Variants in TGFBR3 observed in about 807,000 individuals in gnomAD.
TGFBR3 encodes transforming growth factor beta receptor 3.
A neutral mutation model predicts 87.9 loss-of-function variants in TGFBR3; 46 were observed. That is an observed-to-expected ratio of 0.52 (90% CI 0.41 to 0.67). TGFBR3 has a LOEUF of 0.67. TGFBR3 is among the 30% of genes least tolerant of loss of function. TGFBR3 has a pLI of 0.00. For missense variants in TGFBR3, 866 were observed against 1,041.9 expected (o/e 0.83, Z 2.32); for synonymous variants, 381 against 391.6 (o/e 0.97, Z 0.32).
intron 2 of TGFBR3, among the ~76,000 whole-genome samples, chr1:91,815,884 A>C (rs983213247): frequency 3.9e-5 from 6 of 152,228 alleles, no homozygotes; most frequent in African/African-American, 1.4e-4. Flanking sequence ...AAGAAAGCCA[A>C]CCAAGACAGA....
chr1:91,904,903 T>C (rs941872178), intron 1 of TGFBR3, among the ~76,000 whole-genome samples: 1 of 152,048 alleles, frequency 6.6e-6, no homozygotes, highest in African/African-American at 2.4e-5. Flanking sequence ...AGTTTCACCA[T>C]GGTGGCCAGG....
chr1:91,812,174 C>T (rs891922898), intron 2 of TGFBR3, among the ~76,000 whole-genome samples: 2 of 152,172 alleles, frequency 1.3e-5, no homozygotes, highest in African/African-American at 4.8e-5. Flanking sequence ...AAGATTTGCA[C>T]AGAAAAACAT....
At chr1:91,789,610 G>A (rs984903590) in intron 3 of TGFBR3, among the ~76,000 whole-genome samples, 3 of 152,138 alleles carry the variant, frequency 2.0e-5, no homozygotes, top group South Asian at 4.1e-4. Flanking sequence ...CCTAAACCCC[G>A]GTGTTTGCTA....
Position 91,716,843 on chromosome 1 carries a change from AAC to A in TGFBR3, c.1567-137_1567-136del, listed in dbSNP as rs1174304937. 11 of 1,115,346 alleles carry A rather than the reference AAC, an allele frequency of 9.9e-6. No homozygotes were observed. In the East Asian group the frequency reaches 2.6e-4, roughly 26 times the overall value. 69.1% of individuals were successfully genotyped at this position (1,115,346 alleles called of 1,614,324 possible). A position where few individuals can be genotyped will look rare whatever the true frequency, so the allele number is the denominator to read the frequency against. ...TGACTTTAAGACAAAATAATAAAAT[AAC>A]ATCCAGGCTTTTTCGAATTATATCT... On this transcript the variant is annotated intron_variant, in intron 10 of 16. Coordinates refer to ENST00000212355, the MANE Select transcript of TGFBR3 (RefSeq NM_003243.5).
rs150460638 is a variant in TGFBR3, at chr1:91,803,834, G to A, written c.62-6363C>T. On this transcript the variant is annotated intron_variant, in intron 2 of 16. Transcript: ENST00000212355. Reference sequence around the variant, plus strand: ...AAACCTCCCTCACTGTGTTAGATCTGTATTTTTTCATACTCTCATGGTACT... The same window carrying A: ...AAACCTCCCTCACTGTGTTAGATCTATATTTTTTCATACTCTCATGGTACT... Among the ~76,000 whole-genome samples the A allele has an allele frequency of 7.8e-3, 1,194 of 152,162 alleles. 17 individuals carry two copies. Among genetic ancestry groups the A allele is most frequent in the African/African-American group, 0.027 (1,120 of 41,506 alleles).
chr1:91,897,835 A>G (rs1273313795), intron 2 of TGFBR3, among the ~76,000 whole-genome samples: 1 of 152,188 alleles, frequency 6.6e-6, no homozygotes, highest in Non-Finnish European at 1.5e-5. Flanking sequence ...CTCATGAGTC[A>G]ACATCCAAAA....
intron 2 of TGFBR3, among the ~76,000 whole-genome samples, chr1:91,848,684 C>T (rs1009540008): frequency 1.3e-5 from 2 of 152,104 alleles, no homozygotes; most frequent in Admixed American, 1.3e-4. Context: ...TGTATTTCTT[C>T]GAAACTGTAA....
At chr1:91,718,527 T>C (rs1190806257) in intron 10 of TGFBR3, among the ~76,000 whole-genome samples, 2 of 151,786 alleles carry the variant, frequency 1.3e-5, no homozygotes, top group African/African-American at 4.8e-5. Flanking sequence ...GCCTTATTTT[T>C]ACCATTAAAA....
intron 2 of TGFBR3, among the ~76,000 whole-genome samples, chr1:91,831,903 G>A (rs1165799823): frequency 6.6e-6 from 1 of 152,160 alleles, no homozygotes; most frequent in African/African-American, 2.4e-5. Flanking sequence ...TCTCTGTAGA[G>A]ACAAAGTAAT....
At chr1:91,814,846 C>T (rs868502471) in intron 2 of TGFBR3, among the ~76,000 whole-genome samples, 30 of 152,262 alleles carry the variant, frequency 2.0e-4, no homozygotes, top group African/African-American at 5.8e-4. Context: ...ATAAAACAGG[C>T]GCTCACAAAA....
At chr1:91,902,269 T>G in intron 1 of TGFBR3, among the ~76,000 whole-genome samples, 1 of 25,608 alleles carries the variant, frequency 3.9e-5, no homozygotes, top group South Asian at 1.4e-3. Flanking sequence ...TTTCCTTTTC[T>G]TTTGTGTGTG....
At chr1:91,770,904 G>C (rs1345382728) in intron 3 of TGFBR3, 1 of 152,158 alleles carries the variant, frequency 6.6e-6, no homozygotes, top group East Asian at 1.9e-4. Context: ...TCTTTTGTGG[G>C]GAAGGGGTCC....
rs938016246 is a variant in TGFBR3, at chr1:91,738,932, G to A, written c.385-3973C>T. On this transcript the variant is annotated intron_variant, in intron 4 of 16. Coordinates refer to ENST00000212355, the MANE Select transcript of TGFBR3 (RefSeq NM_003243.5). ...GTCACTGAGAAGTTAAAGACCTAAAGGAGACGAAAGAACAAACCACACAAA... is the reference window on the plus strand; with the variant it reads ...GTCACTGAGAAGTTAAAGACCTAAAAGAGACGAAAGAACAAACCACACAAA... 2.0e-5 allele frequency among the ~76,000 whole-genome samples: 3 copies of A among 152,260 alleles called. No individual in the cohort carries two copies. The East Asian group carries it at 5.8e-4, about 29-fold the overall frequency.
chr1:91,823,959 G>A (rs768133437), intron 2 of TGFBR3, among the ~76,000 whole-genome samples: 6 of 152,054 alleles, frequency 3.9e-5, no homozygotes, highest in Admixed American at 2.0e-4. Flanking sequence ...GCAAGACCCC[G>A]TCTCTACAAA....
chr1:91,788,587 A>G (rs1675062224), intron 3 of TGFBR3, among the ~76,000 whole-genome samples: 1 of 152,258 alleles, frequency 6.6e-6, no homozygotes, highest in Admixed American at 6.5e-5. Flanking sequence ...AAGTATTTAA[A>G]TCAGCGATTA....
intron 2 of TGFBR3, among the ~76,000 whole-genome samples, chr1:91,800,500 A>T (rs1019943628): frequency 1.3e-5 from 2 of 150,764 alleles, no homozygotes; most frequent in African/African-American, 4.9e-5. Flanking sequence ...ACAGAGTGAG[A>T]CCCTATCTCA....
At chr1:91,815,494 T>C (rs1676189695) in intron 2 of TGFBR3, among the ~76,000 whole-genome samples, 1 of 152,010 alleles carries the variant, frequency 6.6e-6, no homozygotes, top group Non-Finnish European at 1.5e-5. Flanking sequence ...AAGAACCTCC[T>C]TTCTCCTCAC....
At chr1:91,862,895 A>C (rs1405119279) in intron 1 of TGFBR3, among the ~76,000 whole-genome samples, 1 of 152,228 alleles carries the variant, frequency 6.6e-6, no homozygotes, top group African/African-American at 2.4e-5. Context: ...ATCACGCAAC[A>C]GGAGTTGCCC....
intron 12 of TGFBR3, among the ~76,000 whole-genome samples, chr1:91,715,817 T>G (rs563248507): frequency 1.3e-5 from 2 of 152,204 alleles, no homozygotes; most frequent in East Asian, 3.9e-4. Flanking sequence ...CCACAGGGAT[T>G]TGGCTGCCCT....
Sources: allele counts gnomAD v4.1 joint callset (sites outside exome capture counted in the v4.1 genomes callset), GRCh38; gene constraint gnomAD v4.1.1; transcripts MANE v1.5; gene names NCBI Gene and HGNC (gene_info 2026-07-23, HGNC 2026-07-21).